KCNIP4: variants seen among roughly 807,000 people sequenced by gnomAD.
The protein encoded by KCNIP4 is Kv channel-interacting protein 4.
A neutral mutation model predicts 34.0 loss-of-function variants in KCNIP4; 12 were observed. That is an observed-to-expected ratio of 0.35 (90% CI 0.23 to 0.57). The LOEUF (loss-of-function observed/expected upper bound fraction) is 0.57. Ranked by LOEUF, KCNIP4 falls within the 20% of genes least tolerant of loss-of-function variation. The pLI, the probability that KCNIP4 is intolerant of heterozygous loss-of-function variation, is 0.83. For missense variants in KCNIP4, 238 were observed against 311.7 expected, an observed-to-expected ratio of 0.76 and a Z score of 1.78; for synonymous variants, 124 against 102.2, an observed-to-expected ratio of 1.21 and a Z score of -1.29.
At chr4:21,749,446 A>G (rs1717000218) in intron 1 of KCNIP4, among the ~76,000 whole-genome samples, 1 of 152,136 alleles carries the variant, frequency 6.6e-6, no homozygotes, top group Non-Finnish European at 1.5e-5. Context: ...CCAATGAAGG[A>G]CCAATGTGGC....
intron 1 of KCNIP4, among the ~76,000 whole-genome samples, chr4:21,757,474 C>T (rs1327999466): frequency 1.3e-5 from 2 of 152,064 alleles, no homozygotes; most frequent in Non-Finnish European, 2.9e-5. Context: ...AAAAGAATCA[C>T]AATATTTATC....
chr4:21,092,052 G>A (rs938772790), intron 1 of KCNIP4, among the ~76,000 whole-genome samples: 2 of 152,124 alleles, frequency 1.3e-5, no homozygotes, highest in Admixed American at 1.3e-4. Flanking sequence ...ACTCAAGTTT[G>A]TCCAACCCAG....
At chr4:21,419,983 GA>G (rs773174808) in intron 1 of KCNIP4, among the ~76,000 whole-genome samples, 10 of 152,100 alleles carry the variant, frequency 6.6e-5, no homozygotes, top group Admixed American at 3.3e-4. Flanking sequence ...TATAAACAAA[GA>G]GATTTCAGTT....
intron 1 of KCNIP4, among the ~76,000 whole-genome samples, chr4:21,307,519 T>C (rs1277848958): frequency 6.6e-6 from 1 of 152,236 alleles, no homozygotes; most frequent in African/African-American, 2.4e-5. Context: ...TCTGCCAGAA[T>C]TGCTACAATA....
rs147599923 is a variant in KCNIP4, at chr4:21,290,407, A to T, written c.62-407698T>A. On this transcript the variant is annotated intron_variant, in intron 1 of 8. Coordinates refer to ENST00000382152, the MANE Select transcript of KCNIP4 (RefSeq NM_025221.6). ...TTCTCTTTTTAAAATTAACCTCCAA[A>T]AAAAGCTACATAAACACATGCCAAA... Among the ~76,000 whole-genome samples, 416 of 152,326 alleles carry T rather than the reference A, an allele frequency of 2.7e-3. 1 individual carries two copies. The highest frequency in any genetic ancestry group is 4.5e-3 in the Non-Finnish European group (307 of 68,032).
chr4:21,703,694 A>G (rs1015480625), intron 1 of KCNIP4, among the ~76,000 whole-genome samples: 2 of 152,196 alleles, frequency 1.3e-5, no homozygotes, highest in Non-Finnish European at 1.5e-5. Context: ...CAAAACATAT[A>G]CAAGACTTGT....
chr4:20,902,289 G>C (rs1727234673), intron 1 of KCNIP4, among the ~76,000 whole-genome samples: 1 of 152,114 alleles, frequency 6.6e-6, no homozygotes, highest in Non-Finnish European at 1.5e-5. Context: ...TTGGAGACAA[G>C]GGGACAGAGG....
intron 1 of KCNIP4, among the ~76,000 whole-genome samples, chr4:20,960,975 GCACTTTGGTGTAATTTACTTCA>G (rs1425138278): frequency 6.6e-6 from 1 of 152,106 alleles, no homozygotes; most frequent in Non-Finnish European, 1.5e-5. Context: ...AATGCATTTT[GCACTTTGGTGTAATTTACTTCA>G]CAAACAAGGG....
At chr4:21,038,337 C>T (rs1210581099) in intron 1 of KCNIP4, among the ~76,000 whole-genome samples, 1 of 152,278 alleles carries the variant, frequency 6.6e-6, no homozygotes, top group East Asian at 1.9e-4. Flanking sequence ...AAATTTAACC[C>T]AAAGATTCCA....
intron 1 of KCNIP4, among the ~76,000 whole-genome samples, chr4:20,883,908 T>A (rs1165748192): frequency 6.6e-6 from 1 of 152,170 alleles, no homozygotes; most frequent in Non-Finnish European, 1.5e-5. Flanking sequence ...ATGTTGTTTT[T>A]CTATCGAGGA....
intron 1 of KCNIP4, among the ~76,000 whole-genome samples, chr4:21,697,190 T>C (rs1712411242): frequency 6.6e-6 from 1 of 151,956 alleles, no homozygotes; most frequent in Non-Finnish European, 1.5e-5. Flanking sequence ...ACTGCACACA[T>C]TTTTAGAAAC....
chr4:21,508,781 A>G (rs1179961243), intron 1 of KCNIP4, among the ~76,000 whole-genome samples: 1 of 152,212 alleles, frequency 6.6e-6, no homozygotes, highest in Non-Finnish European at 1.5e-5. Context: ...TATGAACAGC[A>G]AAAGAGAGAG....
At chr4:21,556,070 T>G (rs1331539615) in intron 1 of KCNIP4, among the ~76,000 whole-genome samples, 1 of 152,146 alleles carries the variant, frequency 6.6e-6, no homozygotes, top group African/African-American at 2.4e-5. Context: ...GAATTTTGCT[T>G]GATAAATTTG....
intron 1 of KCNIP4, among the ~76,000 whole-genome samples, chr4:21,947,171 G>C (rs937273184): frequency 6.6e-6 from 1 of 152,142 alleles, no homozygotes; most frequent in Non-Finnish European, 1.5e-5. Flanking sequence ...GAACTGCAAA[G>C]ACAGAGACCC....
chr4:21,499,012 T>C (rs1017467267), intron 1 of KCNIP4, among the ~76,000 whole-genome samples: 8 of 152,162 alleles, frequency 5.3e-5, no homozygotes, highest in African/African-American at 1.9e-4. Context: ...CTAAAATCAC[T>C]GGTCCCATTG....
chr4:20,787,259 C>T (rs1370920070), intron 3 of KCNIP4, among the ~76,000 whole-genome samples: 1 of 152,092 alleles, frequency 6.6e-6, no homozygotes, highest in Admixed American at 6.6e-5. Flanking sequence ...CTATAAATTC[C>T]CTTTCAAACG....
chr4:21,555,741 T>C (rs1458655808), intron 1 of KCNIP4, among the ~76,000 whole-genome samples: 2 of 152,172 alleles, frequency 1.3e-5, no homozygotes, highest in African/African-American at 2.4e-5. Flanking sequence ...TTCAAATACA[T>C]ATTAAATATA....
intron 3 of KCNIP4, among the ~76,000 whole-genome samples, chr4:20,795,282 T>A (rs1408792259): frequency 6.6e-6 from 1 of 152,104 alleles, no homozygotes; most frequent in African/African-American, 2.4e-5. Context: ...ATGACTTTAT[T>A]ATACTTCTGT....
intron 8 of KCNIP4, chr4:20,731,484 A>C (rs1296228317): frequency 1.0e-6 from 1 of 985,200 alleles, no homozygotes; most frequent in Non-Finnish European, 1.2e-6. Context: ...CTTCAGAGAA[A>C]ATTTTCCACT....
Sources: allele counts gnomAD v4.1 joint callset (sites outside exome capture counted in the v4.1 genomes callset), GRCh38; gene constraint gnomAD v4.1.1; transcripts MANE v1.5; gene names NCBI Gene and HGNC (gene_info 2026-07-23, HGNC 2026-07-21).